The following JMJD1C variants were observed in gnomAD, a reference collection of about 807,000 sequenced individuals.
JMJD1C encodes jumonji domain containing 1C.
In JMJD1C, 31 loss-of-function variants were observed where a neutral mutation model predicts 245.3. The observed-to-expected ratio is 0.13, with a 90% CI of 0.09 to 0.17. The LOEUF (loss-of-function observed/expected upper bound fraction) is 0.17. Among genes scored for constraint, JMJD1C ranks in the 10% least tolerant of loss-of-function variants. JMJD1C has a pLI of 1.00. For synonymous variants in JMJD1C, 1,057 were observed against 1,017.4 expected (o/e 1.04, Z -0.74); for missense variants, 2,691 against 3,000.2 (o/e 0.90, Z 2.41).
In JMJD1C at chr10:63,194,278, AT is replaced by A; in HGVS notation, c.5734+7del. 1 of 1,572,856 alleles carries A rather than the reference AT, an allele frequency of 6.4e-7. No individual in the cohort carries two copies. Among genetic ancestry groups the A allele is most frequent in the Non-Finnish European group, 8.8e-7 (1 of 1,142,518 alleles). ...AGCAGTTATATTACATGAAGAAGAT[AT>A]ACTTACCAGAACCAGGTATAATTTG... On this transcript the variant is annotated splice_region_variant and intron_variant, in intron 14 of 25. Transcript: ENST00000399262.
chr10:63,500,106 G>A (rs779934427), intron 1 of JMJD1C, among the ~76,000 whole-genome samples: 1 of 152,164 alleles, frequency 6.6e-6, no homozygotes, highest in African/African-American at 2.4e-5. Context: ...GTGTTATTTA[G>A]AACAGTCCAT....
rs747878554 is a variant in JMJD1C, at chr10:63,215,079, T to C, written c.1088A>G (p.Asn363Ser). Residue 363 changes from asparagine (N) to serine (S), a missense_variant, in exon 8 of 26, where the codon AAT becomes AGT. Asn to Ser is a conservative substitution (Grantham distance 46, BLOSUM62 1). Around this residue, in one of 9 missense-constraint regions of JMJD1C, gnomAD observed 1,562 missense variants for 1,490.7 expected, o/e 1.05. Coordinates refer to ENST00000399262, the MANE Select transcript of JMJD1C (RefSeq NM_032776.3). Reference protein sequence around the residue: ...RKPEEDEKKLNMKRLRTDNVS... With the variant: ...RKPEEDEKKLSMKRLRTDNVS... ...ATTGTCAGTTCGAAGTCTTTTCATA[T>C]TTAGTTTCTTTTCATCCTCCTCAGG... is the stretch of plus-strand genomic sequence containing the variant. The C allele has an allele frequency of 6.3e-7, 1 of 1,596,064 alleles. No individual in the cohort carries two copies. Among genetic ancestry groups the C allele is most frequent in the Non-Finnish European group, 8.5e-7 (1 of 1,175,288 alleles).
chr10:63,502,607 A>T (rs1478235344), intron 1 of JMJD1C, among the ~76,000 whole-genome samples: 1 of 141,122 alleles, frequency 7.1e-6, no homozygotes, highest in African/African-American at 2.6e-5. Context: ...ACTGCACTCC[A>T]GCCTGGGTGA....
Position 63,465,654 on chromosome 10 carries a change from T to C in JMJD1C, c.9A>G (p.Val3=), listed in dbSNP as rs1425448850. MA[V]ETRAELVGKR... ...TACCCACCAGCTCTGCCCGCGTCTC[T>C]ACCGCCATAGCTGTCGCTGCCGAAG... Residue 3 remains valine (V), a synonymous_variant, in exon 1 of 26, where the codon GTA becomes GTG. Transcript: ENST00000399262. 1 of 1,608,966 alleles carries C rather than the reference T, an allele frequency of 6.2e-7. No homozygotes were observed.
At chr10:63,176,689 A>G (rs1842882766) in intron 23 of JMJD1C, 1 of 461,368 alleles carries the variant, frequency 2.2e-6, no homozygotes, top group Non-Finnish European at 3.9e-6. Flanking sequence ...TGCTCTTAAC[A>G]GTTTACTACT....
intron 1 of JMJD1C, among the ~76,000 whole-genome samples, chr10:63,386,558 G>C (rs1481022246): frequency 6.6e-6 from 1 of 152,202 alleles, no homozygotes; most frequent in Non-Finnish European, 1.5e-5. Flanking sequence ...ACCTTGCTTA[G>C]TCTACCACCA....
intron 1 of JMJD1C, among the ~76,000 whole-genome samples, chr10:63,519,949 C>A (rs1955155762): frequency 6.6e-6 from 1 of 152,156 alleles, no homozygotes; most frequent in Non-Finnish European, 1.5e-5. Flanking sequence ...GCTTATGCAG[C>A]ACACCTGATC....
intron 1 of JMJD1C, among the ~76,000 whole-genome samples, chr10:63,501,124 G>A (rs1195092978): frequency 6.6e-6 from 1 of 152,112 alleles, no homozygotes; most frequent in Middle Eastern, 3.2e-3. Flanking sequence ...CAGGCCTCTG[G>A]CTCTTGAACC....
Position 63,300,729 on chromosome 10 carries a change from T to C in JMJD1C, c.334-35965A>G, listed in dbSNP as rs72831029. Reference sequence around the variant, plus strand: ...CAGCATGGTGAAACATTGTTTCTACTAAAAGTACAAAAATTAGCTGGATGC... The same window carrying C: ...CAGCATGGTGAAACATTGTTTCTACCAAAAGTACAAAAATTAGCTGGATGC... On this transcript the variant is annotated intron_variant, in intron 2 of 25. Coordinates refer to ENST00000399262, the MANE Select transcript of JMJD1C (RefSeq NM_032776.3). 4.2e-3 allele frequency among the ~76,000 whole-genome samples: 642 copies of C among 152,128 alleles called. 2 individuals carry two copies. The highest frequency in any genetic ancestry group is 6.9e-3 in the Non-Finnish European group (469 of 67,992).
At chr10:63,513,775 T>C (rs1954938936) in intron 1 of JMJD1C, among the ~76,000 whole-genome samples, 1 of 151,864 alleles carries the variant, frequency 6.6e-6, no homozygotes, top group Non-Finnish European at 1.5e-5. Flanking sequence ...TAGCCGGGCG[T>C]GTTGGCGGGA....
Position 63,214,860 on chromosome 10 carries a change from T to G in JMJD1C, c.1307A>C (p.Gln436Pro). The G allele has an allele frequency of 1.9e-6, 3 of 1,614,044 alleles. No individual in the cohort carries two copies. Among genetic ancestry groups the G allele is most frequent in the Non-Finnish European group, 2.5e-6 (3 of 1,180,002 alleles). Reference sequence around the variant, plus strand: ...TTCATGTTTTTTATCTTCCTGTATTTGATCCCAGGGAGGCTGGCTATTTTT... The same window carrying G: ...TTCATGTTTTTTATCTTCCTGTATTGGATCCCAGGGAGGCTGGCTATTTTT... The part of the protein sequence containing the change: ...TLKNSQPPWD[Q>P]IQEDKKHEEA... The change falls in exon 8 of 26, where the codon CAA (glutamine) becomes CCA (proline). Residue 436 changes from glutamine (Q) to proline (P), a missense_variant. Gln to Pro is a moderately conservative substitution (Grantham distance 76, BLOSUM62 -1). Transcript: ENST00000399262.
intron 24 of JMJD1C, among the ~76,000 whole-genome samples, chr10:63,171,667 A>G (rs549476243): frequency 1.3e-5 from 2 of 152,292 alleles, no homozygotes; most frequent in East Asian, 1.9e-4. Context: ...TCAGAAATCT[A>G]TAGTTTCAGG....
chr10:63,426,698 C>G (rs1402370425), intron 1 of JMJD1C, among the ~76,000 whole-genome samples: 2 of 152,052 alleles, frequency 1.3e-5, no homozygotes, highest in Non-Finnish European at 2.9e-5. Flanking sequence ...CAACACATAC[C>G]TTAGCCACAG....
chr10:63,420,652 G>A (rs956663685), intron 1 of JMJD1C, among the ~76,000 whole-genome samples: 2 of 142,396 alleles, frequency 1.4e-5, no homozygotes, highest in African/African-American at 5.2e-5. Flanking sequence ...TTGAGCCCGG[G>A]AATCTGAGGA....
intron 2 of JMJD1C, chr10:63,269,348 T>C: frequency 3.3e-6 from 1 of 304,398 alleles, no homozygotes; most frequent in Non-Finnish European, 4.8e-6. Flanking sequence ...GATTACTCAT[T>C]TGGCTGCGGC....
At chr10:63,368,261 T>C (rs150669054) in intron 2 of JMJD1C, among the ~76,000 whole-genome samples, 90 of 152,288 alleles carry the variant, frequency 5.9e-4, no homozygotes, top group African/African-American at 1.7e-3. Flanking sequence ...CTGGGAAATG[T>C]TGGAGAAACA....
chr10:63,188,556 TAA>T (rs1216595245), intron 18 of JMJD1C, among the ~76,000 whole-genome samples: 4 of 152,170 alleles, frequency 2.6e-5, no homozygotes, highest in Non-Finnish European at 5.9e-5. Context: ...CAGAAAACAA[TAA>T]ATTTAACAGA....
At chr10:63,251,903 T>G (rs1475088239) in intron 3 of JMJD1C, among the ~76,000 whole-genome samples, 1 of 152,028 alleles carries the variant, frequency 6.6e-6, no homozygotes, top group Non-Finnish European at 1.5e-5. Context: ...TCCCAACTAC[T>G]CGGGAGGCTG....
intron 1 of JMJD1C, among the ~76,000 whole-genome samples, chr10:63,511,025 A>G (rs754822273): frequency 1.9e-4 from 29 of 152,232 alleles, no homozygotes; most frequent in Non-Finnish European, 3.8e-4. Flanking sequence ...TTAGCATGAT[A>G]TATCTTTCTC....
Sources: allele counts gnomAD v4.1 joint callset (sites outside exome capture counted in the v4.1 genomes callset), GRCh38; gene constraint gnomAD v4.1.1; regional missense constraint gnomAD v4.1.1; transcripts MANE v1.5; gene names NCBI Gene and HGNC (gene_info 2026-07-23, HGNC 2026-07-21).